Variants in KCNAB3 observed in about 807,000 individuals in gnomAD.
KCNAB3 encodes voltage-gated potassium channel subunit beta-3.
KCNAB3 carries 62 observed loss-of-function variants against 67.7 expected under a neutral mutation model. That is an observed-to-expected ratio of 0.92 (90% confidence interval 0.75 to 1.13). The LOEUF is 1.13. KCNAB3 is among the 50% of genes most tolerant of loss of function. The probability of loss-of-function intolerance (pLI) is 0.00; values close to 1 mark genes in which losing one functional copy is unlikely to be tolerated. For missense variants in KCNAB3, 514 were observed against 522.9 expected, an observed-to-expected ratio of 0.98 and a Z score of 0.17; for synonymous variants, 212 against 205.4, an observed-to-expected ratio of 1.03 and a Z score of -0.27.
Position 7,925,100 on chromosome 17 carries a change from C to T in KCNAB3, c.622G>A (p.Glu208Lys). The change falls in exon 8 of 14, where the codon GAG (glutamate) becomes AAG (lysine). Residue 208 changes from glutamate to lysine, a missense_variant. Physicochemically the swap from Glu to Lys is moderately conservative, Grantham distance 56. Coordinates refer to ENST00000303790, the MANE Select transcript of KCNAB3 (RefSeq NM_004732.4). ...GGTTTGGGGGTGCTGCTTTTACCCT[C>T]CATAGGACAGTTGGGGTCTGAGCGA... ...ANRSDPNCPM[E>K]EIVRAMTYVI... The T allele has an allele frequency of 1.2e-6, 2 of 1,613,418 alleles. No individual in the cohort carries two copies. The highest frequency in any genetic ancestry group is 1.7e-5 in the Admixed American group (1 of 59,994).
Position 7,923,126 on chromosome 17 carries a change from T to C in KCNAB3, c.1191A>G (p.Gly397=). The C allele has an allele frequency of 6.2e-7, 1 of 1,614,180 alleles. No individual in the cohort carries two copies. The highest frequency in any genetic ancestry group is 8.5e-7 in the Non-Finnish European group (1 of 1,180,024). Reference sequence around the variant, plus strand: ...ACTACTTCTTGGAATGCGGCTTGTTTCCCAGGAGCCCGTCTATTTCCATCA... The same window carrying C: ...ACTACTTCTTGGAATGCGGCTTGTTCCCCAGGAGCCCGTCTATTTCCATCA... The part of the protein sequence containing the change: ...QTVMEIDGLL[G]NKPHSKK The change falls in exon 14 of 14, where the codon GGA becomes GGG. Residue 397 remains glycine (G), a synonymous_variant. Transcript: ENST00000303790.
At chr17:7,927,736 G>C in intron 2 of KCNAB3, 42 bp from the exon 3 acceptor site, 1 of 1,614,050 alleles carries the variant, frequency 6.2e-7, no homozygotes, top group East Asian at 2.2e-5. Context: ...GCAGGGGGCA[G>C]ACCATGAAAG....
intron 8 of KCNAB3, 181 bp from the exon 9 acceptor site, chr17:7,924,681 T>G: frequency 2.2e-6 from 3 of 1,370,908 alleles, no homozygotes; most frequent in South Asian, 3.9e-5. Context: ...CACTGTGGAG[T>G]TTTGGAGGCC....
chr17:7,928,072 C>T, intron 1 of KCNAB3: 1 of 596,922 alleles, frequency 1.7e-6, no homozygotes, highest in Non-Finnish European at 3.0e-6. Flanking sequence ...AGTCTCCATT[C>T]CCTCTTATCA....
Position 7,929,846 on chromosome 17 carries a change from G to C in KCNAB3, c.-411C>G, listed in dbSNP as rs369938158. On this transcript the variant is annotated 5_prime_UTR_variant, in exon 1 of 14. Transcript: ENST00000303790. This position sits in a 1 kb window ranked among gnomAD's most constrained non-coding sequence, Gnocchi z 5.7. Reference sequence around the variant, plus strand: ...CTGGGCTCCCAGCCGCGTCGGCAGCGGGCCCAGCTCATCAGCATGCAGGCA... The same window carrying C: ...CTGGGCTCCCAGCCGCGTCGGCAGCCGGCCCAGCTCATCAGCATGCAGGCA... 1 of 1,078,412 alleles carries C rather than the reference G, an allele frequency of 9.3e-7. No individual in the cohort carries two copies. Among genetic ancestry groups the C allele is most frequent in the Non-Finnish European group, 1.1e-6 (1 of 887,350 alleles). 66.8% of individuals were successfully genotyped at this position (1,078,412 alleles called of 1,614,324 possible).
In KCNAB3 at chr17:7,922,538, C is replaced by G. The variant is rs970881367; in HGVS notation, c.*564G>C. 6.3e-6 allele frequency: 1 copy of G among 157,686 alleles called. No homozygotes were observed. Among genetic ancestry groups the G allele is most frequent in the African/African-American group, 2.4e-5 (1 of 41,478 alleles). The allele number at this position is 157,686 out of a possible 1,614,324, so 9.8% of individuals were successfully genotyped here. A position where few individuals can be genotyped will look rare whatever the true frequency, so the allele number is the denominator to read the frequency against. Reference sequence around the variant, plus strand: ...TGTAGACCCCACCCTGACCGCCCTCCTCCACCTCTGGGCTGGGAGGCAGGG... The same window carrying G: ...TGTAGACCCCACCCTGACCGCCCTCGTCCACCTCTGGGCTGGGAGGCAGGG... On this transcript the variant is annotated 3_prime_UTR_variant, in exon 14 of 14. Coordinates refer to ENST00000303790, the MANE Select transcript of KCNAB3 (RefSeq NM_004732.4).
intron 8 of KCNAB3, chr17:7,924,804 G>A (rs191420577): frequency 6.0e-5 from 46 of 765,808 alleles, no homozygotes; most frequent in Middle Eastern, 4.1e-4. Flanking sequence ...GTTCAGTGGT[G>A]CAATCATAGC....
intron 8 of KCNAB3, 113 bp downstream of exon 8, chr17:7,924,984 G>T (rs1389412502): frequency 2.2e-6 from 2 of 906,568 alleles, no homozygotes; most frequent in African/African-American, 3.3e-5. Flanking sequence ...GGCCCCAAGT[G>T]ATCCTCCTGC....
chr17:7,923,181 T>A lies in KCNAB3; in HGVS notation c.1138-2A>T. 1 of 1,613,908 alleles carries A rather than the reference T, an allele frequency of 6.2e-7. No individual in the cohort carries two copies. Among genetic ancestry groups the A allele is most frequent in the East Asian group, 2.2e-5 (1 of 44,874 alleles). ...CTGCGGGGTCAGCTGGCTCAGCACC[T>A]GGAGGAGAGTGGGACGGTGGCGACG... On this transcript the variant is annotated splice_acceptor_variant, in intron 13 of 13. Coordinates refer to ENST00000303790, the MANE Select transcript of KCNAB3 (RefSeq NM_004732.4). LOFTEE classifies it high-confidence loss of function.
At chr17:7,925,217 C>G in intron 7 of KCNAB3, 34 bp from the exon 8 acceptor site, 1 of 1,568,984 alleles carries the variant, frequency 6.4e-7, no homozygotes, top group Non-Finnish European at 8.8e-7. Flanking sequence ...AAATAAGCAC[C>G]TCAGCTTCAG....
Position 7,923,969 on chromosome 17 carries a change from T to G in KCNAB3, c.926A>C (p.Lys309Thr). ...RVPDTCRASI[K>T]GYQWLKDKVQ... ...CCATCGAGAGCCCCCAGATCTCACC[T>G]TGATGGAGGCCCTGCAAGTATCTGG... The change falls in exon 11 of 14, where the codon AAG becomes ACG. Residue 309 changes from lysine to threonine, a missense_variant and splice_region_variant. Coordinates refer to ENST00000303790, the MANE Select transcript of KCNAB3 (RefSeq NM_004732.4). 1.2e-6 allele frequency: 2 copies of G among 1,608,920 alleles called. No homozygotes were observed. The highest frequency in any genetic ancestry group is 1.7e-6 in the Non-Finnish European group (2 of 1,178,632).
chr17:7,923,555 A>G lies in KCNAB3; in HGVS notation c.1049-11T>C. The G allele has an allele frequency of 6.3e-7, 1 of 1,594,456 alleles. No homozygotes were observed. Among genetic ancestry groups the G allele is most frequent in the Non-Finnish European group, 8.5e-7 (1 of 1,170,348 alleles). ...TGCGGAGACACCACGCTGGGGCCAG[A>G]GGAGGAAAAAAAGAGGACTGATGGG... On this transcript the variant is annotated splice_polypyrimidine_tract_variant and intron_variant, in intron 12 of 13. Transcript: ENST00000303790.
In KCNAB3 at chr17:7,928,132, G is replaced by C. The variant is rs1188973428; in HGVS notation, c.243-306C>G. 5.7e-6 allele frequency: 3 copies of C among 526,492 alleles called. No individual in the cohort carries two copies. In the African/African-American group the frequency reaches 5.7e-5, roughly 10 times the overall value. The allele number at this position is 526,492 out of a possible 1,614,324, so 32.6% of individuals were successfully genotyped here. On this transcript the variant is annotated intron_variant, in intron 1 of 13. Coordinates refer to ENST00000303790, the MANE Select transcript of KCNAB3 (RefSeq NM_004732.4). Reference sequence around the variant, plus strand: ...GTCCTTCTTCTGGGGTCTTGTCTGTGTTTGAGTCATCTGTGGGTTGTGTGC... The same window carrying C: ...GTCCTTCTTCTGGGGTCTTGTCTGTCTTTGAGTCATCTGTGGGTTGTGTGC...
chr17:7,924,588 G>A lies in KCNAB3; in HGVS notation c.626-88C>T, dbSNP rs565236769. 67 of 1,495,260 alleles carry A rather than the reference G, an allele frequency of 4.5e-5. No individual in the cohort carries two copies. The African/African-American group carries it at 9.1e-4, about 20-fold the overall frequency. 92.6% of individuals were successfully genotyped at this position (1,495,260 alleles called of 1,614,324 possible). On this transcript the variant is annotated intron_variant, in intron 8 of 13. Transcript: ENST00000303790. ...GCAGACCTCCACCTGCCCCACCAAG[G>A]CCCCAGGCAACTCTATGGAGTCATG...
At chr17:7,923,363 G>T in intron 13 of KCNAB3, 93 bp downstream of exon 13, 1 of 1,350,498 alleles carries the variant, frequency 7.4e-7, no homozygotes, top group South Asian at 1.2e-5. Context: ...CTTTGTAGTG[G>T]GTGACCTGAT....
Position 7,929,835 on chromosome 17 carries a change from G to GACATTAAT in KCNAB3, c.-401_-400insATTAATGT. The GACATTAAT allele has an allele frequency of 2.9e-6, 3 of 1,029,898 alleles. No homozygotes were observed. Among genetic ancestry groups the GACATTAAT allele is most frequent in the Non-Finnish European group, 2.3e-6 (2 of 857,822 alleles). The allele number at this position is 1,029,898 out of a possible 1,614,324, so 63.8% of individuals were successfully genotyped here. On this transcript the variant is annotated 5_prime_UTR_variant, in exon 1 of 14. It adds an upstream start codon to the 5' untranslated region. Transcript: ENST00000303790. This position sits in a 1 kb window ranked among gnomAD's most constrained non-coding sequence, Gnocchi z 5.7. ...TGCGGGACCCGCTGGGCTCCCAGCC[G>GACATTAAT]CGTCGGCAGCGGGCCCAGCTCATCA...
intron 4 of KCNAB3, among the ~76,000 whole-genome samples, chr17:7,926,791 G>A (rs139503716): frequency 1.1e-3 from 165 of 152,246 alleles, no homozygotes; most frequent in Non-Finnish European, 3.7e-4. Context: ...ACTTGGGGAA[G>A]AGCAAGACAA....
In KCNAB3 at chr17:7,929,603, C is replaced by T. The variant is rs1022098695; in HGVS notation, c.-168G>A. Reference sequence around the variant, plus strand: ...GCAGGATCGGGCCCGCGGGGGCGGGCTGCTGGAGGTCGCGAGGTTTGCGGC... The same window carrying T: ...GCAGGATCGGGCCCGCGGGGGCGGGTTGCTGGAGGTCGCGAGGTTTGCGGC... On this transcript the variant is annotated 5_prime_UTR_variant, in exon 1 of 14. Coordinates refer to ENST00000303790, the MANE Select transcript of KCNAB3 (RefSeq NM_004732.4). This position sits in a 1 kb window ranked among gnomAD's most constrained non-coding sequence, Gnocchi z 5.7. The T allele has an allele frequency of 2.1e-6, 3 of 1,431,996 alleles. No homozygotes were observed. The highest frequency in any genetic ancestry group is 2.7e-6 in the Non-Finnish European group (3 of 1,102,320). 88.7% of individuals were successfully genotyped at this position (1,431,996 alleles called of 1,614,324 possible). A position where few individuals can be genotyped will look rare whatever the true frequency, so the allele number is the denominator to read the frequency against.
chr17:7,926,682 C>CTTT (rs369717873), intron 4 of KCNAB3, among the ~76,000 whole-genome samples: 1 of 151,450 alleles, frequency 6.6e-6, no homozygotes, highest in Non-Finnish European at 1.5e-5. Context: ...TCCTATTGCC[C>CTTT]TTTTTTTTTC....
Sources: gnomAD v4.1 joint callset for allele counts (sites outside exome capture counted in the v4.1 genomes callset) on GRCh38, gnomAD v4.1.1 for gene constraint, Gnocchi (gnomAD v3.1) non-coding constraint, MANE v1.5 for transcripts, NCBI Gene and HGNC (gene_info 2026-07-23, HGNC 2026-07-21) for gene names.